ACTR1A: variants seen among roughly 807,000 people sequenced by gnomAD.
The protein encoded by ACTR1A is alpha-centractin.
Under a neutral mutation model 50.7 loss-of-function variants are expected in ACTR1A, and 10 were observed. The observed-to-expected ratio is 0.20, with a 90% CI of 0.12 to 0.33. ACTR1A has a LOEUF of 0.33. Ranked by LOEUF, ACTR1A falls within the 10% of genes least tolerant of loss-of-function variation. The probability of loss-of-function intolerance (pLI) is 1.00; values close to 1 mark genes in which losing one functional copy is unlikely to be tolerated. For missense variants in ACTR1A, 253 were observed against 491.7 expected (o/e 0.51, Z 4.59); for synonymous variants, 177 against 184.2 (o/e 0.96, Z 0.32).
intron 1 of ACTR1A, among the ~76,000 whole-genome samples, chr10:102,499,824 A>ATT (rs543210889): frequency 7.7e-4 from 118 of 152,352 alleles, no homozygotes; most frequent in African/African-American, 2.8e-3. Flanking sequence ...GTCCTACTCA[A>ATT]TTATCTGCAG....
At chr10:102,501,041 A>G (rs1349315310) in intron 1 of ACTR1A, among the ~76,000 whole-genome samples, 1 of 151,800 alleles carries the variant, frequency 6.6e-6, no homozygotes, top group Non-Finnish European at 1.5e-5. Flanking sequence ...ACTGCATTTC[A>G]GACTCAGCAA....
intron 1 of ACTR1A, among the ~76,000 whole-genome samples, chr10:102,500,594 AACAAAC>A (rs1488887339): frequency 6.8e-6 from 1 of 146,070 alleles, no homozygotes; most frequent in African/African-American, 2.6e-5. Context: ...CAAACAAACA[AACAAAC>A]AAACAAAAAT....
At chr10:102,495,755 ATT>A (rs79530206) in intron 1 of ACTR1A, among the ~76,000 whole-genome samples, 521 of 99,540 alleles carry the variant, frequency 5.2e-3, no homozygotes, top group African/African-American at 0.017. Context: ...TAAATACACA[ATT>A]TTTTTTTTTT....
In ACTR1A at chr10:102,495,685, C is replaced by T. The variant is rs1055998246; in HGVS notation, c.49-5072G>A. On this transcript the variant is annotated intron_variant, in intron 1 of 10. Coordinates refer to ENST00000369905, the MANE Select transcript of ACTR1A (RefSeq NM_005736.4). Reference sequence around the variant, plus strand: ...GGGAGGTTGCAGTGAGCCGAGATTGCGCCACTGCAATTTAGCCTGGGCGAC... The same window carrying T: ...GGGAGGTTGCAGTGAGCCGAGATTGTGCCACTGCAATTTAGCCTGGGCGAC... 1.2e-4 allele frequency among the ~76,000 whole-genome samples: 18 copies of T among 150,364 alleles called. No homozygotes were observed. The South Asian group carries it at 1.5e-3, about 13-fold the overall frequency.
At chr10:102,489,770 C>T (rs150665130) in intron 2 of ACTR1A, among the ~76,000 whole-genome samples, 6 of 152,162 alleles carry the variant, frequency 3.9e-5, no homozygotes, top group East Asian at 3.9e-4. Flanking sequence ...GCCGAGATTG[C>T]GCCACTGCAC....
In ACTR1A at chr10:102,485,582, G is replaced by A. The variant is rs775667041; in HGVS notation, c.440+27C>T. On this transcript the variant is annotated intron_variant, in intron 5 of 10. Transcript: ENST00000369905. ...TGCCAAAGGACTGCTTTCCCCGCAGGGGCCGGGCTAGCCAGCTGCTACTCA... is the reference window on the plus strand; with the variant it reads ...TGCCAAAGGACTGCTTTCCCCGCAGAGGCCGGGCTAGCCAGCTGCTACTCA... 4 of 1,611,652 alleles carry A rather than the reference G, an allele frequency of 2.5e-6. No individual in the cohort carries two copies. In the Admixed American group the frequency reaches 5.0e-5, roughly 20 times the overall value.
Position 102,480,774 on chromosome 10 carries a change from C to G in ACTR1A, c.*89G>C. On this transcript the variant is annotated 3_prime_UTR_variant, in exon 11 of 11. Transcript: ENST00000369905. ...TCATATCCACACACGCACTCACACA[C>G]AGGCAGTTCCTCGCAAACACTCCGA... 9.3e-7 allele frequency: 1 copy of G among 1,071,950 alleles called. No homozygotes were observed. 66.4% of individuals were successfully genotyped at this position (1,071,950 alleles called of 1,614,324 possible).
chr10:102,497,564 G>T (rs2062228277), intron 1 of ACTR1A, among the ~76,000 whole-genome samples: 1 of 151,824 alleles, frequency 6.6e-6, no homozygotes, highest in African/African-American at 2.4e-5. Context: ...TCTAATCTGG[G>T]TGATAGAGTG....
intron 1 of ACTR1A, among the ~76,000 whole-genome samples, chr10:102,497,917 ACCCCATTTC>A (rs2062230065): frequency 8.0e-6 from 1 of 124,562 alleles, no homozygotes. Flanking sequence ...ACACAGGGAG[ACCCCATTTC>A]TACAAAAAAA....
intron 4 of ACTR1A, among the ~76,000 whole-genome samples, chr10:102,486,790 CTT>C (rs201428036): frequency 4.8e-5 from 7 of 144,388 alleles, no homozygotes; most frequent in Admixed American, 6.9e-5. Flanking sequence ...TTCTTTCTTT[CTT>C]TTTTTTTTTT....
chr10:102,488,018 C>T lies in ACTR1A; in HGVS notation c.315+132G>A. ...CATAGGAATGGTGTTAAGATTAAAT[C>T]TGAATATGCCTGAAAATCAAATGGC... On this transcript the variant is annotated intron_variant, in intron 4 of 10. Coordinates refer to ENST00000369905, the MANE Select transcript of ACTR1A (RefSeq NM_005736.4). This position sits in a 1 kb window ranked among gnomAD's most constrained non-coding sequence, Gnocchi z 4.4. The T allele has an allele frequency of 9.9e-7, 1 of 1,010,018 alleles. No homozygotes were observed. Among genetic ancestry groups the T allele is most frequent in the Non-Finnish European group, 1.4e-6 (1 of 693,190 alleles). The allele number at this position is 1,010,018 out of a possible 1,614,324, so 62.6% of individuals were successfully genotyped here.
At chr10:102,492,271 G>C (rs1047666914) in intron 1 of ACTR1A, among the ~76,000 whole-genome samples, 1 of 151,432 alleles carries the variant, frequency 6.6e-6, no homozygotes, top group Non-Finnish European at 1.5e-5. Context: ...AGGGTTCACC[G>C]TGTTGGTCAG....
intron 1 of ACTR1A, among the ~76,000 whole-genome samples, chr10:102,492,093 C>T (rs2062197644): frequency 1.5e-5 from 1 of 65,850 alleles, no homozygotes; most frequent in Non-Finnish European, 2.7e-5. Context: ...TTTTTTGAGA[C>T]AGAATCTCGG....
At chr10:102,499,994 T>C (rs1417954314) in intron 1 of ACTR1A, among the ~76,000 whole-genome samples, 1 of 152,224 alleles carries the variant, frequency 6.6e-6, no homozygotes, top group Non-Finnish European at 1.5e-5. Flanking sequence ...TGTGTGTGTG[T>C]GGAGAGAAGT....
Position 102,490,566 on chromosome 10 carries a change from T to C in ACTR1A, c.96A>G (p.Lys32=). The change falls in exon 2 of 11, where the codon AAA becomes AAG. Residue 32 remains lysine (K), a synonymous_variant. Coordinates refer to ENST00000369905, the MANE Select transcript of ACTR1A (RefSeq NM_005736.4). ...TGACTTACTAGTTTGGAAAGCAGTA[T>C]TTGGGGATCTGATCACCAGCAAAAC... The part of the protein sequence containing the change: ...KAGFAGDQIP[K]YCFPNYVGRP... The C allele has an allele frequency of 1.9e-6, 3 of 1,613,568 alleles. No individual in the cohort carries two copies. Among genetic ancestry groups the C allele is most frequent in the Non-Finnish European group, 2.5e-6 (3 of 1,179,528 alleles).
At chr10:102,486,259 T>A (rs1376458150) in intron 4 of ACTR1A, among the ~76,000 whole-genome samples, 1 of 152,186 alleles carries the variant, frequency 6.6e-6, no homozygotes, top group Non-Finnish European at 1.5e-5. Flanking sequence ...GAGAATTGAA[T>A]GCCTGATGAT....
At chr10:102,485,578 G>A (rs1451114390) in intron 5 of ACTR1A, 31 bp downstream of exon 5, 10 of 1,611,048 alleles carry the variant, frequency 6.2e-6, no homozygotes, top group East Asian at 4.5e-5. Flanking sequence ...TGCTTTCCCC[G>A]CAGGGGCCGG....
chr10:102,482,586 C>T lies in ACTR1A; in HGVS notation c.751-411G>A, dbSNP rs76909855. On this transcript the variant is annotated intron_variant, in intron 7 of 10. Coordinates refer to ENST00000369905, the MANE Select transcript of ACTR1A (RefSeq NM_005736.4). This position sits in a 1 kb window ranked among gnomAD's most constrained non-coding sequence, Gnocchi z 5.6. ...CAATCCCTTAGGAGCTTCCTCCCCT[C>T]TAGCGGGAGGGAGCAAAGTTCTGGC... The T allele has an allele frequency of 2.5e-3, 666 of 269,428 alleles. 25 individuals carry two copies. In the East Asian group the frequency reaches 0.052, roughly 21 times the overall value. 16.7% of individuals were successfully genotyped at this position (269,428 alleles called of 1,614,324 possible).
chr10:102,498,855 G>A (rs1377132932), intron 1 of ACTR1A, among the ~76,000 whole-genome samples: 7 of 152,086 alleles, frequency 4.6e-5, no homozygotes, highest in Non-Finnish European at 8.8e-5. Context: ...CCTAGGAGCT[G>A]CTCCTATCTT....
Sources: allele counts gnomAD v4.1 joint callset (sites outside exome capture counted in the v4.1 genomes callset), GRCh38; gene constraint gnomAD v4.1.1; non-coding constraint Gnocchi (gnomAD v3.1); transcripts MANE v1.5; gene names NCBI Gene and HGNC (gene_info 2026-07-23, HGNC 2026-07-21).